The following ZNF521 variants were observed in gnomAD, a reference collection of about 807,000 sequenced individuals.
ZNF521 encodes the protein zinc finger protein 521.
A neutral mutation model predicts 105.5 loss-of-function variants in ZNF521; 14 were observed. That is an observed-to-expected ratio of 0.13 (90% confidence interval 0.09 to 0.21). The LOEUF is 0.21. ZNF521 is among the 10% of genes least tolerant of loss of function. ZNF521 has a pLI of 1.00. For missense variants in ZNF521, 1,233 were observed against 1,629.7 expected, an observed-to-expected ratio of 0.76 and a Z score of 4.19; for synonymous variants, 635 against 606.0, an observed-to-expected ratio of 1.05 and a Z score of -0.70.
rs2036159393 is a variant in ZNF521, at chr18:25,210,445, T to C, written c.3573+13900A>G. Among the ~76,000 whole-genome samples the C allele has an allele frequency of 5.9e-5, 9 of 152,206 alleles. No homozygotes were observed. The South Asian group carries it at 1.9e-3, about 31-fold the overall frequency. ...TTTACAGACTCAGTTAAAGGTTTGC[T>C]TATGTAATACAATGTTTAATTCAAT... is the stretch of plus-strand genomic sequence containing the variant. On this transcript the variant is annotated intron_variant, in intron 4 of 7. Coordinates refer to ENST00000361524, the MANE Select transcript of ZNF521 (RefSeq NM_015461.3).
chr18:25,133,215 A>G (rs2034672760), intron 5 of ZNF521, among the ~76,000 whole-genome samples: 1 of 152,168 alleles, frequency 6.6e-6, no homozygotes, highest in South Asian at 2.1e-4. Flanking sequence ...TATTATCCTA[A>G]TCTAGATGAA....
intron 3 of ZNF521, among the ~76,000 whole-genome samples, chr18:25,238,255 A>T (rs1003826629): frequency 6.6e-6 from 1 of 152,224 alleles, no homozygotes; most frequent in African/African-American, 2.4e-5. Context: ...CTTTTAAAAA[A>T]AATTCATTGT....
intron 5 of ZNF521, among the ~76,000 whole-genome samples, chr18:25,164,191 G>C (rs2035297984): frequency 6.6e-6 from 1 of 152,160 alleles, no homozygotes; most frequent in African/African-American, 2.4e-5. Context: ...GTTAAATAAA[G>C]TATGCTGGTT....
chr18:25,241,416 A>G (rs958481424), intron 3 of ZNF521, among the ~76,000 whole-genome samples: 6 of 152,220 alleles, frequency 3.9e-5, no homozygotes, highest in African/African-American at 1.2e-4. Context: ...CGAACAATCT[A>G]GAAAGATACT....
intron 3 of ZNF521, among the ~76,000 whole-genome samples, chr18:25,253,846 G>A (rs929538392): frequency 3.9e-5 from 6 of 152,222 alleles, no homozygotes; most frequent in Middle Eastern, 3.4e-3. Context: ...TACCTCCAAA[G>A]GGTTCAATAG....
In ZNF521 at chr18:25,062,394, C is replaced by G. The variant is rs1288635651; in HGVS notation, c.*318G>C. On this transcript the variant is annotated 3_prime_UTR_variant, in exon 8 of 8. Transcript: ENST00000361524. ...TTTTAATCTTTCTTCCTTAAAAATA[C>G]TTTATCTTAAGCCATTTTGGTCATA... The G allele has an allele frequency of 9.7e-6, 3 of 307,928 alleles. No homozygotes were observed. The highest frequency in any genetic ancestry group is 4.3e-5 in the African/African-American group (2 of 46,294). The allele number at this position is 307,928 out of a possible 1,614,324, so 19.1% of individuals were successfully genotyped here.
chr18:25,068,540 C>T lies in ZNF521; in HGVS notation c.3907-5799G>A, dbSNP rs141863830. On this transcript the variant is annotated intron_variant, in intron 7 of 7. Coordinates refer to ENST00000361524, the MANE Select transcript of ZNF521 (RefSeq NM_015461.3). ...TTTTTAAACAAAAGCAATTGGTTTC[C>T]CACAGGCTGGATAATAAGTCTTTTG... 5.3e-5 allele frequency among the ~76,000 whole-genome samples: 8 copies of T among 152,002 alleles called. 1 individual carries two copies. In the East Asian group the frequency reaches 1.5e-3, roughly 29 times the overall value.
intron 5 of ZNF521, among the ~76,000 whole-genome samples, chr18:25,171,158 A>G (rs2035442561): frequency 6.6e-6 from 1 of 152,142 alleles, no homozygotes. Flanking sequence ...AAACAAAACA[A>G]CAACAAAAAC....
intron 2 of ZNF521, among the ~76,000 whole-genome samples, chr18:25,336,756 C>A (rs6508363): frequency 6.6e-6 from 1 of 152,086 alleles, no homozygotes; most frequent in Non-Finnish European, 1.5e-5. Context: ...CACACAGGTA[C>A]ATAAAAATTC....
chr18:25,301,542 A>G (rs1911641531), intron 3 of ZNF521, among the ~76,000 whole-genome samples: 1 of 152,224 alleles, frequency 6.6e-6, no homozygotes, highest in South Asian at 2.1e-4. Context: ...AATTGTTCTG[A>G]GAGCCTCAAA....
At chr18:25,192,045 C>T (rs1263914832) in intron 5 of ZNF521, among the ~76,000 whole-genome samples, 4 of 152,058 alleles carry the variant, frequency 2.6e-5, no homozygotes, top group Non-Finnish European at 4.4e-5. Flanking sequence ...TGGCACAGAT[C>T]TTAAAAGAGG....
intron 7 of ZNF521, chr18:25,082,752 G>A: frequency 3.0e-6 from 1 of 336,002 alleles, no homozygotes; most frequent in African/African-American, 2.3e-5. Flanking sequence ...TAAGGCAGGA[G>A]AATTGCTTGA....
chr18:25,245,633 G>A (rs1907654723), intron 3 of ZNF521, among the ~76,000 whole-genome samples: 1 of 152,132 alleles, frequency 6.6e-6, no homozygotes, highest in South Asian at 2.1e-4. Context: ...GGGATCAAAG[G>A]TGTATGAAAT....
intron 2 of ZNF521, among the ~76,000 whole-genome samples, chr18:25,329,317 CAT>C (rs1454184119): frequency 1.3e-5 from 2 of 152,196 alleles, no homozygotes; most frequent in African/African-American, 4.8e-5. Context: ...CACTTTTCTG[CAT>C]ATGTTATTTC....
chr18:25,211,876 A>C (rs1449738524), intron 4 of ZNF521, among the ~76,000 whole-genome samples: 1 of 152,192 alleles, frequency 6.6e-6, no homozygotes, highest in Non-Finnish European at 1.5e-5. Context: ...TTAAACCACT[A>C]ATTTTTATAC....
chr18:25,268,598 AG>A (rs1909429005), intron 3 of ZNF521, among the ~76,000 whole-genome samples: 1 of 152,256 alleles, frequency 6.6e-6, no homozygotes, highest in South Asian at 2.1e-4. Context: ...GAAACCCATA[AG>A]CCAGAAGATA....
intron 5 of ZNF521, among the ~76,000 whole-genome samples, chr18:25,163,547 T>C (rs2035285648): frequency 6.6e-6 from 1 of 152,062 alleles, no homozygotes; most frequent in South Asian, 2.1e-4. Context: ...AACTGTGAAA[T>C]TGGTAATTTT....
chr18:25,092,728 C>A (rs150502315), intron 5 of ZNF521, among the ~76,000 whole-genome samples: 1 of 152,264 alleles, frequency 6.6e-6, no homozygotes, highest in East Asian at 1.9e-4. Flanking sequence ...CTCCAAAGCA[C>A]TTTTGTGACC....
At position 25,267,416 on chromosome 18, in the gene ZNF521, T is replaced by C. The variant is rs137937297; in HGVS notation, c.221-39719A>G. ...GAGCAGCGGATCACCCAGCACAGCA[T>C]TCGAGCTCTGATAAGGGTCAGACTG... On this transcript the variant is annotated intron_variant, in intron 3 of 7. Transcript: ENST00000361524. 1.0e-2 allele frequency among the ~76,000 whole-genome samples: 1,517 copies of C among 152,264 alleles called. 25 individuals are homozygous for C. Among genetic ancestry groups the C allele is most frequent in the African/African-American group, 0.034 (1,412 of 41,558 alleles).
Sources: allele counts gnomAD v4.1 joint callset (sites outside exome capture counted in the v4.1 genomes callset), GRCh38; gene constraint gnomAD v4.1.1; transcripts MANE v1.5; gene names NCBI Gene and HGNC (gene_info 2026-07-23, HGNC 2026-07-21).